DAPK2: variants seen among roughly 807,000 people sequenced by gnomAD.
The protein encoded by DAPK2 is death-associated protein kinase 2.
A neutral mutation model predicts 44.1 loss-of-function variants in DAPK2; 35 were observed. The observed-to-expected ratio is 0.79, with a 90% CI of 0.61 to 1.05. The LOEUF is 1.05. Ranked by LOEUF, DAPK2 falls within the 50% of genes least tolerant of loss-of-function variation. The pLI is 0.00. For missense variants in DAPK2, 453 were observed against 483.2 expected, an observed-to-expected ratio of 0.94 and a Z score of 0.59; for synonymous variants, 174 against 182.6, an observed-to-expected ratio of 0.95 and a Z score of 0.38.
intron 1 of DAPK2, among the ~76,000 whole-genome samples, chr15:64,033,046 A>G (rs1009382870): frequency 3.3e-5 from 5 of 152,142 alleles, no homozygotes; most frequent in Non-Finnish European, 5.9e-5. Context: ...AGATAGCACC[A>G]CTGCACTCCA....
chr15:63,991,601 C>A (rs1567258068), intron 1 of DAPK2, among the ~76,000 whole-genome samples: 1 of 152,252 alleles, frequency 6.6e-6, no homozygotes, highest in South Asian at 2.1e-4. Context: ...CCACTGACCG[C>A]CCCCACCCAT....
chr15:63,918,481 C>T (rs964209651), intron 8 of DAPK2: 3 of 152,300 alleles, frequency 2.0e-5, no homozygotes, highest in African/African-American at 7.2e-5. Context: ...AGGGCGATGT[C>T]ATACACTCAC....
chr15:64,045,645 G>A (rs2080444933), intron 1 of DAPK2, among the ~76,000 whole-genome samples: 1 of 152,158 alleles, frequency 6.6e-6, no homozygotes, highest in African/African-American at 2.4e-5. Flanking sequence ...AATTTCCACC[G>A]TGCAGAGTTA....
rs1275769206 is a variant in DAPK2 at position 63,990,919 on chromosome 15, G to A, written c.93-7165C>T. 6.6e-6 allele frequency among the ~76,000 whole-genome samples: 1 copy of A among 152,138 alleles called. No individual in the cohort carries two copies. The highest frequency in any genetic ancestry group is 6.5e-5 in the Admixed American group (1 of 15,280). On this transcript the variant is annotated intron_variant, in intron 1 of 10. Transcript: ENST00000261891. This position sits in a 1 kb window ranked among gnomAD's most constrained non-coding sequence, Gnocchi z 4.3. The stretch of plus-strand genomic sequence containing the variant: ...ATCCCACAGCCACAGCCTGCCTGGG[G>A]ATGGTGTCACTGAGCCCCCTCCCTA...
At chr15:63,959,536 C>G (rs924719972) in intron 3 of DAPK2, among the ~76,000 whole-genome samples, 3 of 152,096 alleles carry the variant, frequency 2.0e-5, no homozygotes, top group African/African-American at 7.2e-5. Context: ...CCCATCAATA[C>G]CTAGTTTATT....
At chr15:64,040,399 G>T (rs1002385203), upstream of DAPK2, 4 of 671,736 alleles carry the variant, frequency 6.0e-6, no homozygotes, top group African/African-American at 7.2e-5. Context: ...GGTTCTTCAA[G>T]AACTGCCCTG....
chr15:64,028,446 G>A (rs2079915864), intron 1 of DAPK2, among the ~76,000 whole-genome samples: 1 of 152,198 alleles, frequency 6.6e-6, no homozygotes, highest in Non-Finnish European at 1.5e-5. Flanking sequence ...AAGGAGACTG[G>A]AGAGACATAA....
intron 2 of DAPK2, among the ~76,000 whole-genome samples, chr15:63,971,969 T>C (rs2078226457): frequency 6.6e-6 from 1 of 152,234 alleles, no homozygotes; most frequent in Non-Finnish European, 1.5e-5. Flanking sequence ...GTGATGGTAT[T>C]AGGAGATAGG....
At chr15:63,971,050 C>A (rs1595826066) in intron 3 of DAPK2, among the ~76,000 whole-genome samples, 1 of 152,208 alleles carries the variant, frequency 6.6e-6, no homozygotes, top group African/African-American at 2.4e-5. Context: ...CTTCAGCAAT[C>A]CTCCAAACAT....
At chr15:64,008,232 T>C (rs2079290864) in intron 1 of DAPK2, among the ~76,000 whole-genome samples, 1 of 152,124 alleles carries the variant, frequency 6.6e-6, no homozygotes. Context: ...AAAAGAACCA[T>C]AAAAATACTC....
Position 63,916,230 on chromosome 15 carries a change from A to T in DAPK2, c.859-4033T>A, listed in dbSNP as rs1024784679. On this transcript the variant is annotated intron_variant, in intron 8 of 10. Transcript: ENST00000261891. This position sits in a 1 kb window ranked among gnomAD's most constrained non-coding sequence, Gnocchi z 4.7. ...GTGCCAGGTCAGTACCAACATCCAC[A>T]GGCAGGGGCAGGAAGCAGCAGCCGC... 6.6e-6 allele frequency: 1 copy of T among 151,428 alleles called. No individual in the cohort carries two copies. The highest frequency in any genetic ancestry group is 1.5e-5 in the Non-Finnish European group (1 of 68,082). 9.4% of individuals were successfully genotyped at this position (151,428 alleles called of 1,614,324 possible).
At chr15:63,951,023 T>A (rs752434754) in intron 3 of DAPK2, among the ~76,000 whole-genome samples, 1 of 152,234 alleles carries the variant, frequency 6.6e-6, no homozygotes, top group Non-Finnish European at 1.5e-5. Flanking sequence ...CAAGGATTCA[T>A]GCCTCTTAAC....
At chr15:64,023,139 A>C (rs145648582) in intron 1 of DAPK2, among the ~76,000 whole-genome samples, 1 of 152,146 alleles carries the variant, frequency 6.6e-6, no homozygotes, top group Non-Finnish European at 1.5e-5. Context: ...GGCGATGTGG[A>C]GGAGGGTGGA....
At chr15:64,021,798 G>A (rs2079690979) in intron 1 of DAPK2, among the ~76,000 whole-genome samples, 1 of 152,204 alleles carries the variant, frequency 6.6e-6, no homozygotes, top group African/African-American at 2.4e-5. Context: ...CTGGACTTGA[G>A]AGCTAAGTAC....
chr15:63,982,022 C>T (rs556190489), intron 2 of DAPK2, among the ~76,000 whole-genome samples: 54 of 152,178 alleles, frequency 3.5e-4, no homozygotes, highest in Admixed American at 2.6e-4. Context: ...GGTGGTCCAC[C>T]GAGTCTGTAG....
At chr15:63,976,962 T>C (rs896902076) in intron 2 of DAPK2, among the ~76,000 whole-genome samples, 2 of 152,176 alleles carry the variant, frequency 1.3e-5, no homozygotes, top group East Asian at 3.9e-4. Context: ...TAGATCTAAC[T>C]ACTAGTTACA....
Position 63,926,420 on chromosome 15 carries a change from G to A in DAPK2, c.660-327C>T, listed in dbSNP as rs114408413. ...ATAATGGAAGGCCAGCCAAAGGATA[G>A]GGGAGCACAGGAAAGAGGGAGGCCC... On this transcript the variant is annotated intron_variant, in intron 6 of 10. Coordinates refer to ENST00000261891, the Ensembl canonical transcript of DAPK2. Among the ~76,000 whole-genome samples, 1,070 of 152,206 alleles carry A rather than the reference G, an allele frequency of 7.0e-3. 6 individuals are homozygous for A. Among genetic ancestry groups the A allele is most frequent in the African/African-American group, 0.024 (1,009 of 41,524 alleles).
intron 1 of DAPK2, among the ~76,000 whole-genome samples, chr15:64,000,899 G>A (rs1214403915): frequency 6.6e-6 from 1 of 150,898 alleles, no homozygotes; most frequent in Non-Finnish European, 1.5e-5. Context: ...TTTTTTTTGA[G>A]ATGGAGTCTC....
chr15:63,929,610 C>G, intron 5 of DAPK2, 33 bp from the exon 7 acceptor site: 1 of 1,613,734 alleles, frequency 6.2e-7, no homozygotes, highest in Non-Finnish European at 8.5e-7. Flanking sequence ...GTCAGGGCCA[C>G]CTGGGTCCCA....
Sources: gnomAD v4.1 joint callset for allele counts (sites outside exome capture counted in the v4.1 genomes callset) on GRCh38, gnomAD v4.1.1 for gene constraint, Gnocchi (gnomAD v3.1) non-coding constraint, MANE v1.5 for transcripts, NCBI Gene and HGNC (gene_info 2026-07-23, HGNC 2026-07-21) for gene names.